C8orf34: variants seen among roughly 807,000 people sequenced by gnomAD.
C8orf34 encodes the protein chromosome 8 open reading frame 34, also known as uncharacterized protein C8orf34.
Under a neutral mutation model 68.3 loss-of-function variants are expected in C8orf34, and 65 were observed. That is an observed-to-expected ratio of 0.95 (90% CI 0.78 to 1.17). The LOEUF is 1.17. C8orf34 is among the 50% of genes most tolerant of loss of function. The pLI is 0.00. For missense variants in C8orf34, 664 were observed against 655.4 expected (o/e 1.01, Z -0.14); for synonymous variants, 244 against 241.2 (o/e 1.01, Z -0.11).
chr8:68,381,759 A>AAAC (rs1808048578), intron 1 of C8orf34, among the ~76,000 whole-genome samples: 1 of 150,876 alleles, frequency 6.6e-6, no homozygotes, highest in African/African-American at 2.4e-5. Flanking sequence ...AAAAAAAAAA[A>AAAC]AAATAGGTAT....
At chr8:68,609,289 C>T (rs1056675783) in intron 7 of C8orf34, among the ~76,000 whole-genome samples, 1 of 152,054 alleles carries the variant, frequency 6.6e-6, no homozygotes, top group East Asian at 1.9e-4. Flanking sequence ...TATTCAAGTG[C>T]CCAGTGACTG....
intron 9 of C8orf34, among the ~76,000 whole-genome samples, chr8:68,720,761 A>G (rs1419457007): frequency 6.6e-6 from 1 of 151,914 alleles, no homozygotes; most frequent in African/African-American, 2.4e-5. Flanking sequence ...ATGTCAGAAG[A>G]CATATGAAAA....
chr8:68,418,156 CTT>C, intron 1 of C8orf34, among the ~76,000 whole-genome samples: 1 of 146,246 alleles, frequency 6.8e-6, no homozygotes, highest in African/African-American at 2.6e-5. Flanking sequence ...TATCCTGAGA[CTT>C]TGCTGAAGTT....
intron 10 of C8orf34, among the ~76,000 whole-genome samples, chr8:68,769,700 T>G (rs1346386957): frequency 6.6e-6 from 1 of 152,192 alleles, no homozygotes; most frequent in Non-Finnish European, 1.5e-5. Context: ...TCTGTGTACA[T>G]CCAGAGTCAG....
At chr8:68,333,634 AC>A (rs2129617715) in intron 1 of C8orf34, among the ~76,000 whole-genome samples, 1 of 152,270 alleles carries the variant, frequency 6.6e-6, no homozygotes, top group African/African-American at 2.4e-5. Flanking sequence ...TGACCTAGAG[AC>A]CGTCCATTCT....
rs571632006 is a variant in C8orf34 at position 68,362,475 on chromosome 8, G to A, written c.327+31136G>A. Among the ~76,000 whole-genome samples the A allele has an allele frequency of 8.0e-4, 122 of 152,322 alleles. 1 individual carries two copies. In the South Asian group the frequency reaches 0.024, roughly 30 times the overall value. ...GTCTACAGCTCCCAGCGTGAGCGAC[G>A]CAGAAGACGGGTGATTTCTGCATTT... On this transcript the variant is annotated intron_variant, in intron 1 of 13. Coordinates refer to ENST00000518698, the MANE Select transcript of C8orf34 (RefSeq NM_052958.4).
intron 1 of C8orf34, among the ~76,000 whole-genome samples, chr8:68,421,700 C>T (rs1317744968): frequency 6.6e-6 from 1 of 152,116 alleles, no homozygotes; most frequent in Non-Finnish European, 1.5e-5. Flanking sequence ...AAATAGGGCA[C>T]CAGCAGGAAG....
chr8:68,408,199 T>C (rs1283624190), intron 1 of C8orf34, among the ~76,000 whole-genome samples: 2 of 151,602 alleles, frequency 1.3e-5, no homozygotes, highest in East Asian at 3.9e-4. Flanking sequence ...GGTTACATGC[T>C]CCTTATGAGA....
chr8:68,615,986 C>A (rs1373822885), intron 7 of C8orf34, among the ~76,000 whole-genome samples: 2 of 150,854 alleles, frequency 1.3e-5, no homozygotes, highest in Non-Finnish European at 1.5e-5. Flanking sequence ...TTGGTCTATT[C>A]AGAGATTAAA....
intron 5 of C8orf34, among the ~76,000 whole-genome samples, chr8:68,508,890 G>C (rs1250360161): frequency 6.6e-6 from 1 of 152,050 alleles, no homozygotes; most frequent in Non-Finnish European, 1.5e-5. Context: ...GGGGAAACAG[G>C]GACTCTCGCT....
At chr8:68,429,675 A>G (rs1046249670) in intron 1 of C8orf34, among the ~76,000 whole-genome samples, 2 of 152,256 alleles carry the variant, frequency 1.3e-5, no homozygotes, top group Admixed American at 6.5e-5. Flanking sequence ...AGTGAAAACT[A>G]AACAGCAATG....
intron 5 of C8orf34, among the ~76,000 whole-genome samples, chr8:68,504,754 A>T (rs1418555327): frequency 1.3e-5 from 2 of 149,600 alleles, no homozygotes; most frequent in Non-Finnish European, 3.0e-5. Flanking sequence ...ATCTCAGCTC[A>T]CTGCAACCTC....
At chr8:68,795,329 T>C (rs1824147112) in intron 12 of C8orf34, among the ~76,000 whole-genome samples, 1 of 152,186 alleles carries the variant, frequency 6.6e-6, no homozygotes, top group South Asian at 2.1e-4. Flanking sequence ...GACTGCTTTT[T>C]TTTTTTTTTT....
chr8:68,453,960 G>A (rs937196884), intron 3 of C8orf34, among the ~76,000 whole-genome samples: 3 of 151,954 alleles, frequency 2.0e-5, no homozygotes, highest in Non-Finnish European at 4.4e-5. Flanking sequence ...TCTATTCCTA[G>A]TTTGTTGGAT....
intron 6 of C8orf34, among the ~76,000 whole-genome samples, chr8:68,525,123 T>A (rs1317890882): frequency 6.6e-6 from 1 of 152,160 alleles, no homozygotes; most frequent in Non-Finnish European, 1.5e-5. Context: ...AAGCTCATAA[T>A]TGCTTCTAAC....
rs1183700488 is a variant in C8orf34 at position 68,811,977 on chromosome 8, G to A, written c.1550-3909G>A. 2.0e-5 allele frequency among the ~76,000 whole-genome samples: 3 copies of A among 152,124 alleles called. No homozygotes were observed. In the South Asian group the frequency reaches 6.2e-4, roughly 32 times the overall value. On this transcript the variant is annotated intron_variant, in intron 12 of 13. Coordinates refer to ENST00000518698, the MANE Select transcript of C8orf34 (RefSeq NM_052958.4). ...GCTAAATAATCCTTTCAGGGTGGGA[G>A]GGATGTGTGTAAAGATAACATCAAG... is the stretch of plus-strand genomic sequence containing the variant.
At chr8:68,779,257 C>T (rs1298928068) in intron 11 of C8orf34, among the ~76,000 whole-genome samples, 1 of 150,772 alleles carries the variant, frequency 6.6e-6, no homozygotes, top group Admixed American at 6.6e-5. Context: ...TGGGAAGCAG[C>T]GTAGTATACT....
intron 4 of C8orf34, among the ~76,000 whole-genome samples, chr8:68,469,932 TTGTG>T (rs34106520): frequency 1.2e-3 from 180 of 148,822 alleles, no homozygotes; most frequent in African/African-American, 3.0e-3. Context: ...ATTTGGTATT[TTGTG>T]TGTGTGTGTG....
At chr8:68,740,813 A>C (rs200619777) in intron 10 of C8orf34, among the ~76,000 whole-genome samples, 1 of 152,324 alleles carries the variant, frequency 6.6e-6, no homozygotes, top group South Asian at 2.1e-4. Flanking sequence ...ACAATAGCAA[A>C]GACATGGAAT....
Sources: allele counts gnomAD v4.1 joint callset (sites outside exome capture counted in the v4.1 genomes callset), GRCh38; gene constraint gnomAD v4.1.1; transcripts MANE v1.5; gene names NCBI Gene and HGNC (gene_info 2026-07-23, HGNC 2026-07-21).